Variants in NRXN1 observed in about 807,000 individuals in gnomAD.
NRXN1 encodes neurexin-1.
In NRXN1, 39 loss-of-function variants were observed where a neutral mutation model predicts 150.9. That is an observed-to-expected ratio of 0.26 (90% CI 0.20 to 0.34). NRXN1 has a LOEUF of 0.34. NRXN1 is among the 10% of genes least tolerant of loss of function. The probability of loss-of-function intolerance (pLI) is 1.00; values close to 1 mark genes in which losing one functional copy is unlikely to be tolerated. For synonymous variants in NRXN1, 924 were observed against 757.0 expected, an observed-to-expected ratio of 1.22 and a Z score of -3.62; for missense variants, 1,815 against 1,949.9, an observed-to-expected ratio of 0.93 and a Z score of 1.30.
chr2:50,472,795 T>TTGTGTGTGTGTGTGTG (rs113192574), intron 15 of NRXN1, among the ~76,000 whole-genome samples: 40 of 138,636 alleles, frequency 2.9e-4, no homozygotes, highest in African/African-American at 9.8e-4. Flanking sequence ...CCCTACAGCC[T>TTGTGTGTGTGTGTGTG]TGTGTGTGTG....
At chr2:50,212,383 C>T (rs1289385777) in intron 18 of NRXN1, among the ~76,000 whole-genome samples, 11 of 151,074 alleles carry the variant, frequency 7.3e-5, no homozygotes, top group Non-Finnish European at 1.3e-4. Context: ...AGTTAGCATT[C>T]CCTCTTCACC....
In NRXN1 at chr2:50,176,789, C is replaced by A. The variant is rs201885905; in HGVS notation, c.3546+60000G>T. The stretch of plus-strand genomic sequence containing the variant: ...CTTAAAGCAATACACCCCTGGTCTT[C>A]CCAAATCACTGCTCTGGCTTGCTTT... On this transcript the variant is annotated intron_variant, in intron 18 of 22. Transcript: ENST00000401669. 1.3e-4 allele frequency among the ~76,000 whole-genome samples: 20 copies of A among 152,198 alleles called. 1 individual carries two copies. In the East Asian group the frequency reaches 2.3e-3, roughly 18 times the overall value.
intron 21 of NRXN1, among the ~76,000 whole-genome samples, chr2:50,045,386 A>G (rs1367844787): frequency 6.6e-6 from 1 of 152,154 alleles, no homozygotes; most frequent in East Asian, 1.9e-4. Flanking sequence ...TCTGTTGCCC[A>G]AGCTGGAGTG....
intron 12 of NRXN1, 84 bp from the exon 13 acceptor site, chr2:50,506,701 A>AG: frequency 1.4e-6 from 2 of 1,383,456 alleles, no homozygotes; most frequent in South Asian, 1.4e-5. Flanking sequence ...GAAAGAGACA[A>AG]GGGGGGAAGG....
chr2:50,025,120 G>C (rs2152562915), intron 21 of NRXN1, among the ~76,000 whole-genome samples: 1 of 152,280 alleles, frequency 6.6e-6, no homozygotes, highest in East Asian at 1.9e-4. Context: ...TTATAATTTG[G>C]CAAATTGGGG....
At chr2:49,938,959 T>C (rs1430436603) in intron 22 of NRXN1, among the ~76,000 whole-genome samples, 1 of 152,190 alleles carries the variant, frequency 6.6e-6, no homozygotes, top group Non-Finnish European at 1.5e-5. Flanking sequence ...GGTTTTGCAG[T>C]GTTGCCATTT....
chr2:50,340,375 G>A (rs769957845), intron 17 of NRXN1, among the ~76,000 whole-genome samples: 4 of 152,100 alleles, frequency 2.6e-5, no homozygotes, highest in Non-Finnish European at 5.9e-5. Flanking sequence ...AGAAAGGGCT[G>A]GGCAAAAAGA....
chr2:50,783,674 G>A (rs1266832022), intron 5 of NRXN1, among the ~76,000 whole-genome samples: 2 of 151,982 alleles, frequency 1.3e-5, no homozygotes. Context: ...TTTCTCTCTA[G>A]TACTCTAGCT....
At chr2:50,609,593 G>A (rs1677693918) in intron 8 of NRXN1, among the ~76,000 whole-genome samples, 1 of 152,104 alleles carries the variant, frequency 6.6e-6, no homozygotes, top group South Asian at 2.1e-4. Context: ...CTTACCTCAG[G>A]TGATACAACT....
intron 17 of NRXN1, among the ~76,000 whole-genome samples, chr2:50,427,905 T>G (rs1280129047): frequency 6.6e-6 from 1 of 152,156 alleles, no homozygotes; most frequent in Non-Finnish European, 1.5e-5. Context: ...ATTTACCACT[T>G]GAAACTTAAA....
chr2:50,098,856 T>TGG (rs1558874851), intron 18 of NRXN1, among the ~76,000 whole-genome samples: 6 of 30,272 alleles, frequency 2.0e-4, no homozygotes, highest in African/African-American at 7.6e-4. Context: ...TTTTTTTTTT[T>TGG]TTTTTTTTTT....
chr2:50,044,127 A>C (rs1489972022), intron 21 of NRXN1, among the ~76,000 whole-genome samples: 1 of 152,228 alleles, frequency 6.6e-6, no homozygotes, highest in Admixed American at 6.5e-5. Context: ...GTGGCAAAAC[A>C]AACATGATTT....
At chr2:50,871,088 T>C (rs1436141162) in intron 5 of NRXN1, among the ~76,000 whole-genome samples, 1 of 151,898 alleles carries the variant, frequency 6.6e-6, no homozygotes, top group Non-Finnish European at 1.5e-5. Context: ...GATAAATCTT[T>C]GTTAATCAGA....
chr2:50,462,736 A>G (rs2088365176), intron 17 of NRXN1, among the ~76,000 whole-genome samples: 2 of 151,860 alleles, frequency 1.3e-5, no homozygotes. Flanking sequence ...TTTTTGAAAG[A>G]TTCCTTTCAG....
intron 21 of NRXN1, among the ~76,000 whole-genome samples, chr2:50,028,907 G>A (rs868581697): frequency 9.9e-5 from 15 of 152,186 alleles, no homozygotes; most frequent in African/African-American, 3.4e-4. Context: ...TATAACCAAG[G>A]AAATGTGCTG....
intron 5 of NRXN1, among the ~76,000 whole-genome samples, chr2:50,906,212 A>G (rs1461146957): frequency 6.6e-6 from 1 of 152,146 alleles, no homozygotes; most frequent in African/African-American, 2.4e-5. Context: ...GGATAGAATT[A>G]CATACGAGGA....
chr2:50,284,154 C>A (rs1286403820), intron 17 of NRXN1, among the ~76,000 whole-genome samples: 1 of 152,300 alleles, frequency 6.6e-6, no homozygotes, highest in East Asian at 1.9e-4. Context: ...TCTGACATAA[C>A]ACTGGTACAG....
intron 21 of NRXN1, among the ~76,000 whole-genome samples, chr2:49,977,150 T>C (rs1253797296): frequency 6.6e-6 from 1 of 152,062 alleles, no homozygotes; most frequent in Non-Finnish European, 1.5e-5. Context: ...CTTTAAGAGA[T>C]ACAAACCTAA....
chr2:50,150,364 C>G (rs1411611922), intron 18 of NRXN1, among the ~76,000 whole-genome samples: 1 of 151,800 alleles, frequency 6.6e-6, no homozygotes, highest in Non-Finnish European at 1.5e-5. Context: ...CACATTCTTG[C>G]TGTTCTGTCT....
Sources: allele counts gnomAD v4.1 joint callset (sites outside exome capture counted in the v4.1 genomes callset), GRCh38; gene constraint gnomAD v4.1.1; transcripts MANE v1.5; gene names NCBI Gene and HGNC (gene_info 2026-07-23, HGNC 2026-07-21).